The following INTS10 variants were observed in gnomAD, a reference collection of about 807,000 sequenced individuals.
INTS10 encodes the protein chromosome 8 open reading frame 35.
In INTS10, 44 loss-of-function variants were observed where a neutral mutation model predicts 94.4. That is an observed-to-expected ratio of 0.47 (90% CI 0.37 to 0.60). The LOEUF (loss-of-function observed/expected upper bound fraction) is 0.60. Ranked by LOEUF, INTS10 falls within the 20% of genes least tolerant of loss-of-function variation. The pLI, the probability that INTS10 is intolerant of heterozygous loss-of-function variation, is 0.00. For synonymous variants in INTS10, 341 were observed against 320.7 expected, an observed-to-expected ratio of 1.06 and a Z score of -0.68; for missense variants, 797 against 868.7, an observed-to-expected ratio of 0.92 and a Z score of 1.04.
Position 19,849,544 on chromosome 8 carries a change from A to C in INTS10, c.1977-2105A>C, listed in dbSNP as rs1312230064. 6.6e-6 allele frequency among the ~76,000 whole-genome samples: 1 copy of C among 152,202 alleles called. No individual in the cohort carries two copies. Among genetic ancestry groups the C allele is most frequent in the African/African-American group, 2.4e-5 (1 of 41,436 alleles). On this transcript the variant is annotated intron_variant, in intron 16 of 16. Transcript: ENST00000397977. The surrounding 1 kb of genome is among the most constrained non-coding windows in gnomAD (Gnocchi z 4.6). ...TTAGGTGCACCATGATTCTCTTTTGATAAAACGTTAAGGCTTTCGGTCATA... is the reference window on the plus strand; with the variant it reads ...TTAGGTGCACCATGATTCTCTTTTGCTAAAACGTTAAGGCTTTCGGTCATA...
intron 13 of INTS10, 53 bp from the exon 14 acceptor site, chr8:19,842,795 C>A: frequency 8.4e-7 from 1 of 1,183,914 alleles, no homozygotes. Context: ...CCTTTCAAAG[C>A]TGTTATCTTT....
At chr8:19,827,136 C>T (rs2066861801) in intron 9 of INTS10, among the ~76,000 whole-genome samples, 2 of 152,154 alleles carry the variant, frequency 1.3e-5, no homozygotes, top group Admixed American at 6.5e-5. Context: ...AAAGTGTGCA[C>T]AAAGATGCAA....
Position 19,833,183 on chromosome 8 carries a change from G to C in INTS10, c.1392G>C (p.Lys464Asn). 1 of 1,599,586 alleles carries C rather than the reference G, an allele frequency of 6.3e-7. No individual in the cohort carries two copies. Among genetic ancestry groups the C allele is most frequent in the Non-Finnish European group, 8.5e-7 (1 of 1,174,256 alleles). The change falls in exon 12 of 17, where the codon AAG (lysine) becomes AAC (asparagine). Residue 464 changes from lysine (K) to asparagine (N), a missense_variant. Physicochemically the swap from Lys to Asn is moderately conservative, Grantham distance 94. Around this residue, in one of 3 missense-constraint regions of INTS10, gnomAD observed 734 missense variants for 787.8 expected, o/e 0.93. Coordinates refer to ENST00000397977, the MANE Select transcript of INTS10 (RefSeq NM_018142.4). The part of the protein sequence containing the change: ...DMIIYQGQYK[K>N]AIASLHHLAA... ...ATCTTTCTTAGGGTCAATATAAAAA[G>C]GCGATAGCCAGCCTGCATCACTTAG...
chr8:19,818,609 A>T, intron 2 of INTS10: 1 of 475,452 alleles, frequency 2.1e-6, no homozygotes, highest in Non-Finnish European at 3.8e-6. Context: ...CATTACAAAA[A>T]TTCAAACACT....
Position 19,825,524 on chromosome 8 carries a change from C to CAA in INTS10, c.1006+563_1006+564dup, listed in dbSNP as rs56304709. Among the ~76,000 whole-genome samples, 714 of 140,034 alleles carry CAA rather than the reference C, an allele frequency of 5.1e-3. 14 individuals carry two copies. The highest frequency in any genetic ancestry group is 0.028 in the Admixed American group (385 of 13,794). The allele number at this position is 140,034 out of a possible 152,430, so 91.9% of individuals were successfully genotyped here. On this transcript the variant is annotated intron_variant, in intron 8 of 16. Transcript: ENST00000397977. ...TGGGTGACAGAGCAAGACTCCATCT[C>CAA]AAAAAAAAAAAAGAAAAAAACAGCA...
rs150476559 is a variant in INTS10, at chr8:19,844,409, C to T, written c.1882+171C>T. ...CTGTGGCAGTTGATCTTCTGAAAGT[C>T]GTGAAAGACATGATTCAAGGAATTG... On this transcript the variant is annotated intron_variant, in intron 15 of 16. Coordinates refer to ENST00000397977, the MANE Select transcript of INTS10 (RefSeq NM_018142.4). 9.2e-5 allele frequency among the ~76,000 whole-genome samples: 14 copies of T among 152,282 alleles called. No individual in the cohort carries two copies. The East Asian group carries it at 2.5e-3, about 27-fold the overall frequency.
At chr8:19,819,248 T>C (rs1055728744) in intron 2 of INTS10, among the ~76,000 whole-genome samples, 1 of 152,262 alleles carries the variant, frequency 6.6e-6, no homozygotes, top group Admixed American at 6.5e-5. Flanking sequence ...TCAACTGTTC[T>C]CTTTGGCTGT....
chr8:19,841,221 T>C (rs2068099147), intron 13 of INTS10, among the ~76,000 whole-genome samples: 1 of 152,194 alleles, frequency 6.6e-6, no homozygotes, highest in Non-Finnish European at 1.5e-5. Context: ...TCACACTACA[T>C]AGACATCCTT....
chr8:19,844,336 T>C (rs2068395675), intron 15 of INTS10, 98 bp downstream of exon 15: 7 of 942,856 alleles, frequency 7.4e-6, no homozygotes, highest in Non-Finnish European at 1.1e-5. Flanking sequence ...GAAATAATGA[T>C]TTTTACTATT....
In INTS10 at chr8:19,849,347, CTTT is replaced by C; in HGVS notation, c.1977-2298_1977-2296del. On this transcript the variant is annotated intron_variant, in intron 16 of 16. Transcript: ENST00000397977. This position sits in a 1 kb window ranked among gnomAD's most constrained non-coding sequence, Gnocchi z 4.6. ...CAGTGCTCTTTTTCATGCTTTCTTT[CTTT>C]TTTAATTTGTTCCGCATTTTGGCAA... 1 of 392,144 alleles carries C rather than the reference CTTT, an allele frequency of 2.6e-6. No homozygotes were observed. The highest frequency in any genetic ancestry group is 2.4e-5 in the South Asian group (1 of 42,228). 24.3% of individuals were successfully genotyped at this position (392,144 alleles called of 1,614,324 possible). A position where few individuals can be genotyped will look rare whatever the true frequency, so the allele number is the denominator to read the frequency against.
chr8:19,840,865 C>A (rs1363095235), intron 13 of INTS10, among the ~76,000 whole-genome samples: 1 of 152,100 alleles, frequency 6.6e-6, no homozygotes, highest in Non-Finnish European at 1.5e-5. Context: ...AAACACTAAT[C>A]TAAGGTGTAC....
chr8:19,837,029 C>G (rs374198120), intron 12 of INTS10, 23 bp from the exon 13 acceptor site: 2 of 1,482,854 alleles, frequency 1.3e-6, no homozygotes, highest in Non-Finnish European at 1.9e-6. Context: ...AAGTTAGTTC[C>G]TTTTTGGTCT....
At chr8:19,834,634 A>G (rs1320666078) in intron 12 of INTS10, among the ~76,000 whole-genome samples, 1 of 152,142 alleles carries the variant, frequency 6.6e-6, no homozygotes, top group Non-Finnish European at 1.5e-5. Flanking sequence ...CTTAGTTCCA[A>G]CCTCTGAGTA....
At chr8:19,818,747 G>A (rs2066136783) in intron 2 of INTS10, 1 of 183,384 alleles carries the variant, frequency 5.5e-6, no homozygotes, top group African/African-American at 2.4e-5. Context: ...GGTTACAAAA[G>A]TGAGAAGACC....
chr8:19,841,451 C>A (rs2068116701), intron 13 of INTS10, among the ~76,000 whole-genome samples: 1 of 152,094 alleles, frequency 6.6e-6, no homozygotes, highest in African/African-American at 2.4e-5. Context: ...TGAAAGAGCT[C>A]CTTCAGACCA....
At chr8:19,837,872 G>C (rs1195999547) in intron 13 of INTS10, among the ~76,000 whole-genome samples, 2 of 151,364 alleles carry the variant, frequency 1.3e-5, no homozygotes, top group Admixed American at 6.6e-5. Context: ...TCGATAAGGA[G>C]GAAGGTGAAC....
chr8:19,830,469 G>A lies in INTS10; in HGVS notation c.1204G>A (p.Glu402Lys), dbSNP rs368256369. The A allele has an allele frequency of 1.7e-5, 27 of 1,614,026 alleles. No individual in the cohort carries two copies. Among genetic ancestry groups the A allele is most frequent in the Middle Eastern group, 1.6e-4 (1 of 6,062 alleles). The change falls in exon 10 of 17, where the codon GAA becomes AAA. Residue 402 changes from glutamate (E) to lysine (K), a missense_variant. Physicochemically the swap from Glu to Lys is moderately conservative, Grantham distance 56. Around this residue, in one of 3 missense-constraint regions of INTS10, gnomAD observed 734 missense variants for 787.8 expected, o/e 0.93. Transcript: ENST00000397977. ...TCGTCACATTGTAGTCAATAAAGCCGAACTTGCTAACTCCACTGAAGTGTT... is the reference window on the plus strand; with the variant it reads ...TCGTCACATTGTAGTCAATAAAGCCAAACTTGCTAACTCCACTGAAGTGTT... ...RNRHIVVNKAELANSTEVLES... is the reference protein window; with the variant it reads ...RNRHIVVNKAKLANSTEVLES...
At position 19,837,005 on chromosome 8, in the gene INTS10, G is replaced by T. The variant is rs1400757273; in HGVS notation, c.1531-47G>T. 3.2e-6 allele frequency: 4 copies of T among 1,235,464 alleles called. 1 individual carries two copies. Among genetic ancestry groups the T allele is most frequent in the Middle Eastern group, 3.8e-4 (2 of 5,316 alleles). The allele number at this position is 1,235,464 out of a possible 1,614,324, so 76.5% of individuals were successfully genotyped here. A position where few individuals can be genotyped will look rare whatever the true frequency, so the allele number is the denominator to read the frequency against. On this transcript the variant is annotated intron_variant, in intron 12 of 16. Transcript: ENST00000397977. Reference sequence around the variant, plus strand: ...TATTTTGGTACTTTATTTGATTTCAGTTCAGAAAGCTTCAAGTTAGTTCCT... The same window carrying T: ...TATTTTGGTACTTTATTTGATTTCATTTCAGAAAGCTTCAAGTTAGTTCCT...
At position 19,817,594 on chromosome 8, in the gene INTS10, G is replaced by GC. The variant is rs1293861086; in HGVS notation, c.58dup (p.Gln20ProfsTer22). ...TGCAGCGAGCCCGGGAGTTGGTGCC[G>GC]CAAGACCTGTGGGCAGCCAAGGCGT... On this transcript the variant is annotated frameshift_variant, in exon 1 of 17. Transcript: ENST00000397977. LOFTEE classifies it high-confidence loss of function. The GC allele has an allele frequency of 6.2e-7, 1 of 1,607,856 alleles. No individual in the cohort carries two copies. The highest frequency in any genetic ancestry group is 8.5e-7 in the Non-Finnish European group (1 of 1,177,714).
Sources: allele counts gnomAD v4.1 joint callset (sites outside exome capture counted in the v4.1 genomes callset), GRCh38; gene constraint gnomAD v4.1.1; regional missense constraint gnomAD v4.1.1; non-coding constraint Gnocchi (gnomAD v3.1); transcripts MANE v1.5; gene names NCBI Gene and HGNC (gene_info 2026-07-23, HGNC 2026-07-21).